Variants in THADA observed in about 807,000 individuals in gnomAD.
THADA encodes THADA armadillo repeat containing.
In THADA, 213 loss-of-function variants were observed where a neutral mutation model predicts 219.8. That is an observed-to-expected ratio of 0.97 (90% CI 0.87 to 1.09). The LOEUF is 1.09. Among genes scored for constraint, THADA ranks in the 50% least tolerant of loss-of-function variants. The probability of loss-of-function intolerance (pLI) is 0.00; values close to 1 mark genes in which losing one functional copy is unlikely to be tolerated. For missense variants in THADA, 2,956 were observed against 2,311.3 expected (o/e 1.28, Z -5.72); for synonymous variants, 1,018 against 828.9 (o/e 1.23, Z -3.92).
intron 20 of THADA, among the ~76,000 whole-genome samples, chr2:43,545,151 G>C (rs1470449299): frequency 6.6e-6 from 1 of 151,970 alleles, no homozygotes. Flanking sequence ...TTTGTCTTTC[G>C]TTCTGTTTAT....
chr2:43,445,265 GC>G (rs1681372613), intron 26 of THADA, among the ~76,000 whole-genome samples: 1 of 152,160 alleles, frequency 6.6e-6, no homozygotes, highest in South Asian at 2.1e-4. Context: ...ATGATCAAAT[GC>G]AAACTAATAA....
intron 26 of THADA, among the ~76,000 whole-genome samples, chr2:43,440,095 T>A (rs1416389900): frequency 6.6e-6 from 1 of 152,202 alleles, no homozygotes; most frequent in African/African-American, 2.4e-5. Flanking sequence ...CCTTTCCTCA[T>A]ATAGAACTGT....
At chr2:43,271,972 C>A (rs1156253643) in intron 36 of THADA, among the ~76,000 whole-genome samples, 6 of 152,124 alleles carry the variant, frequency 3.9e-5, no homozygotes, top group Non-Finnish European at 7.4e-5. Context: ...TAAAATTATG[C>A]AGATAATTAA....
intron 28 of THADA, among the ~76,000 whole-genome samples, chr2:43,399,409 G>C (rs1293976140): frequency 2.6e-5 from 4 of 152,168 alleles, no homozygotes; most frequent in Non-Finnish European, 5.9e-5. Context: ...CCCTACAATA[G>C]CAATGTTTCT....
intron 28 of THADA, among the ~76,000 whole-genome samples, chr2:43,410,864 T>C (rs1031577555): frequency 6.6e-6 from 1 of 152,182 alleles, no homozygotes; most frequent in Non-Finnish European, 1.5e-5. Flanking sequence ...TTTACATCAA[T>C]TGTACCCCAA....
At chr2:43,237,964 C>G (rs1036385767) in intron 36 of THADA, among the ~76,000 whole-genome samples, 5 of 150,390 alleles carry the variant, frequency 3.3e-5, no homozygotes, top group African/African-American at 7.3e-5. Flanking sequence ...ACTAAAAATA[C>G]AAAAATTAGC....
chr2:43,467,194 A>C (rs1007573158), intron 26 of THADA, among the ~76,000 whole-genome samples: 5 of 150,026 alleles, frequency 3.3e-5, no homozygotes, highest in African/African-American at 1.2e-4. Flanking sequence ...AAAAAAAAAA[A>C]AAAAAAAAAA....
chr2:43,246,911 G>A (rs1324976295), intron 36 of THADA, among the ~76,000 whole-genome samples: 2 of 152,234 alleles, frequency 1.3e-5, no homozygotes, highest in Non-Finnish European at 2.9e-5. Flanking sequence ...GCAGGCAAGA[G>A]AAGGGAGAGG....
At chr2:43,499,696 G>T (rs1233729442) in intron 24 of THADA, among the ~76,000 whole-genome samples, 1 of 151,788 alleles carries the variant, frequency 6.6e-6, no homozygotes, top group East Asian at 1.9e-4. Context: ...GCTTAAAATC[G>T]GCACATTTTC....
chr2:43,590,644 CAAAAAAAAAA>C (rs768406325), intron 4 of THADA, among the ~76,000 whole-genome samples, 170 bp downstream of exon 4: 2 of 59,232 alleles, frequency 3.4e-5, no homozygotes, highest in Non-Finnish European at 6.7e-5. Context: ...GACTCCGTCT[CAAAAAAAAAA>C]AAAAAAAAAA....
chr2:43,282,405 T>G (rs953963626), intron 35 of THADA, among the ~76,000 whole-genome samples: 3 of 152,164 alleles, frequency 2.0e-5, no homozygotes, highest in African/African-American at 7.2e-5. Flanking sequence ...AGGAGACCCT[T>G]TATTGGTCTG....
intron 26 of THADA, among the ~76,000 whole-genome samples, chr2:43,456,754 T>G (rs1197463845): frequency 6.6e-6 from 1 of 152,136 alleles, no homozygotes; most frequent in Non-Finnish European, 1.5e-5. Flanking sequence ...CCAAGTCCTC[T>G]TCCTTTCCCT....
At chr2:43,379,242 T>C (rs1455938252) in intron 29 of THADA, among the ~76,000 whole-genome samples, 3 of 151,972 alleles carry the variant, frequency 2.0e-5, no homozygotes, top group African/African-American at 4.8e-5. Flanking sequence ...ATGGACAACC[T>C]CTTAAAAAGA....
At chr2:43,296,307 C>T (rs901501730) in intron 31 of THADA, among the ~76,000 whole-genome samples, 10 of 150,520 alleles carry the variant, frequency 6.6e-5, no homozygotes, top group Admixed American at 6.0e-4. Context: ...ACAGAATCTC[C>T]CTCGGTCACC....
chr2:43,268,874 A>G (rs562088106), intron 36 of THADA, among the ~76,000 whole-genome samples: 1 of 152,174 alleles, frequency 6.6e-6, no homozygotes, highest in Non-Finnish European at 1.5e-5. Context: ...GATGCTCCCA[A>G]TAGAGTCAGG....
intron 35 of THADA, among the ~76,000 whole-genome samples, 154 bp from the exon 36 acceptor site, chr2:43,280,050 C>T (rs1032430504): frequency 6.6e-6 from 1 of 152,088 alleles, no homozygotes; most frequent in African/African-American, 2.4e-5. Context: ...GAGTGTTAGA[C>T]AAACATTGGC....
chr2:43,312,899 G>T (rs1449035929), intron 31 of THADA, among the ~76,000 whole-genome samples: 1 of 152,080 alleles, frequency 6.6e-6, no homozygotes, highest in Non-Finnish European at 1.5e-5. Flanking sequence ...TAAAGTGCAT[G>T]ACCGAGGAAC....
At chr2:43,356,431 T>C (rs1056961473) in intron 29 of THADA, among the ~76,000 whole-genome samples, 1 of 152,116 alleles carries the variant, frequency 6.6e-6, no homozygotes, top group Non-Finnish European at 1.5e-5. Context: ...ATAAGATGTA[T>C]AAATATGTCA....
chr2:43,252,088 C>T (rs903071221), intron 36 of THADA, among the ~76,000 whole-genome samples: 4 of 152,170 alleles, frequency 2.6e-5, no homozygotes, highest in African/African-American at 9.7e-5. Flanking sequence ...CCATACTAAC[C>T]ATCTCCCCAT....
Sources: gnomAD v4.1 joint callset for allele counts (sites outside exome capture counted in the v4.1 genomes callset) on GRCh38, gnomAD v4.1.1 for gene constraint, MANE v1.5 for transcripts, NCBI Gene and HGNC (gene_info 2026-07-23, HGNC 2026-07-21) for gene names.